Variants in COG5 observed in about 807,000 individuals in gnomAD.
COG5 encodes component of oligomeric golgi complex 5.
In COG5, 86 loss-of-function variants were observed where a neutral mutation model predicts 110.4. The observed-to-expected ratio is 0.78, with a 90% CI of 0.65 to 0.93. The LOEUF (loss-of-function observed/expected upper bound fraction) is 0.93, where lower values mean the gene tolerates loss of function less well. Ranked by LOEUF, COG5 falls within the 40% of genes least tolerant of loss-of-function variation. COG5 has a pLI of 0.00. For synonymous variants in COG5, 360 were observed against 334.6 expected (o/e 1.08, Z -0.83); for missense variants, 1,077 against 987.0 (o/e 1.09, Z -1.22).
chr7:107,366,685 T>C lies in COG5; in HGVS notation c.836-4265A>G, dbSNP rs921456080. On this transcript the variant is annotated intron_variant, in intron 8 of 21. Coordinates refer to ENST00000297135, the MANE Select transcript of COG5 (RefSeq NM_006348.5). ...CTAATACAACACTAAAACCCAGCAG[T>C]TGGTAAAGCAACGTCTGATGGTAGA... Among the ~76,000 whole-genome samples, 4 of 152,006 alleles carry C rather than the reference T, an allele frequency of 2.6e-5. 1 individual carries two copies. Among genetic ancestry groups the C allele is most frequent in the Admixed American group, 6.5e-5 (1 of 15,268 alleles).
At chr7:107,223,665 G>C (rs1020510464) in intron 19 of COG5, among the ~76,000 whole-genome samples, 3 of 152,174 alleles carry the variant, frequency 2.0e-5, no homozygotes, top group Non-Finnish European at 4.4e-5. Context: ...GATGATACAC[G>C]TAAGCATTCA....
At position 107,364,079 on chromosome 7, in the gene COG5, A is replaced by G. The variant is rs575949600; in HGVS notation, c.836-1659T>C. On this transcript the variant is annotated intron_variant, in intron 8 of 21. Coordinates refer to ENST00000297135, the MANE Select transcript of COG5 (RefSeq NM_006348.5). ...ACAAGGAGCACTCTGGCATATGCCA[A>G]TTTAATGAAGTGATCTAATTTAGCA... Among the ~76,000 whole-genome samples the G allele has an allele frequency of 2.0e-5, 3 of 152,346 alleles. No homozygotes were observed. The South Asian group carries it at 6.2e-4, about 32-fold the overall frequency.
At chr7:107,509,439 G>A (rs909253696) in intron 6 of COG5, among the ~76,000 whole-genome samples, 23 of 152,360 alleles carry the variant, frequency 1.5e-4, no homozygotes, top group Middle Eastern at 6.8e-3. Context: ...ACCTGAAAGT[G>A]ATGGGGAGAA....
intron 6 of COG5, among the ~76,000 whole-genome samples, chr7:107,417,127 C>T (rs1192547482): frequency 2.6e-5 from 4 of 152,108 alleles, no homozygotes; most frequent in East Asian, 3.8e-4. Context: ...GGGCAGCTGG[C>T]GACAGTCACC....
In COG5 at chr7:107,339,024, C is replaced by A. The variant is rs1037820326; in HGVS notation, c.1027-14503G>T. On this transcript the variant is annotated intron_variant, in intron 10 of 21. Coordinates refer to ENST00000297135, the MANE Select transcript of COG5 (RefSeq NM_006348.5). ...ATAATAAGCTCAAAACCTCAGCTATCAATATAAACCTTGAATGTAAATACC... is the reference window on the plus strand; with the variant it reads ...ATAATAAGCTCAAAACCTCAGCTATAAATATAAACCTTGAATGTAAATACC... 3.9e-5 allele frequency among the ~76,000 whole-genome samples: 6 copies of A among 152,058 alleles called. No individual in the cohort carries two copies. In the South Asian group the frequency reaches 1.2e-3, roughly 32 times the overall value.
At chr7:107,401,708 TAC>T (rs1299853231) in intron 7 of COG5, among the ~76,000 whole-genome samples, 1 of 152,312 alleles carries the variant, frequency 6.6e-6, no homozygotes, top group East Asian at 1.9e-4. Context: ...CAAAGGAGTT[TAC>T]ACAGGCCCAA....
At position 107,415,988 on chromosome 7, in the gene COG5, A is replaced by G. The variant is rs867559857; in HGVS notation, c.539-3356T>C. Among the ~76,000 whole-genome samples the G allele has an allele frequency of 3.9e-3, 513 of 132,914 alleles. 46 individuals carry two copies. Among genetic ancestry groups the G allele is most frequent in the African/African-American group, 0.013 (447 of 35,446 alleles). 87.2% of individuals were successfully genotyped at this position (132,914 alleles called of 152,430 possible). ...TACACACACATACACGTATGTATAT[A>G]TGTGTGTATATATACACACACATAC... On this transcript the variant is annotated intron_variant, in intron 6 of 21. Transcript: ENST00000297135.
At chr7:107,558,790 A>C (rs1346638517) in intron 1 of COG5, among the ~76,000 whole-genome samples, 1 of 150,100 alleles carries the variant, frequency 6.7e-6, no homozygotes, top group Non-Finnish European at 1.5e-5. Flanking sequence ...CGAGAGGCTG[A>C]GGCAGGAGAA....
chr7:107,314,229 C>T (rs935944326), intron 11 of COG5, among the ~76,000 whole-genome samples: 1 of 151,938 alleles, frequency 6.6e-6, no homozygotes, highest in East Asian at 1.9e-4. Flanking sequence ...GGAAAAAATT[C>T]CATTAGAAAT....
At chr7:107,558,914 C>CAAAAAAAAAAAAAAAAAAAAAACAAA (rs34483652) in intron 1 of COG5, among the ~76,000 whole-genome samples, 1 of 31,170 alleles carries the variant, frequency 3.2e-5, no homozygotes, top group Non-Finnish European at 7.8e-5. Flanking sequence ...GACTTCATCT[C>CAAAAAAAAAAAAAAAAAAAAAACAAA]AAAAAAAAAA....
intron 12 of COG5, among the ~76,000 whole-genome samples, chr7:107,296,111 A>C (rs1451036466): frequency 6.7e-6 from 1 of 148,640 alleles, no homozygotes; most frequent in African/African-American, 2.5e-5. Context: ...CCTTCCTCAC[A>C]CAGTGACCTA....
At chr7:107,211,693 T>C (rs1476976240) in intron 19 of COG5, among the ~76,000 whole-genome samples, 2 of 152,218 alleles carry the variant, frequency 1.3e-5, no homozygotes, top group African/African-American at 4.8e-5. Flanking sequence ...AAGGCAAATA[T>C]GTCTTTGTAT....
chr7:107,283,205 TA>T (rs1049494165), intron 13 of COG5, among the ~76,000 whole-genome samples: 1 of 151,930 alleles, frequency 6.6e-6, no homozygotes, highest in South Asian at 2.1e-4. Context: ...GAGTTTAGGA[TA>T]AAAAAAAGTT....
At chr7:107,476,185 A>T (rs772722398) in intron 6 of COG5, among the ~76,000 whole-genome samples, 45 of 85,144 alleles carry the variant, frequency 5.3e-4, no homozygotes, top group East Asian at 2.4e-3. Flanking sequence ...CAATGATTTT[A>T]AAAAAAAAAA....
chr7:107,334,254 T>C (rs1326690916), intron 10 of COG5, among the ~76,000 whole-genome samples: 2 of 151,392 alleles, frequency 1.3e-5, no homozygotes, highest in Non-Finnish European at 3.0e-5. Flanking sequence ...CAAGGTAACA[T>C]GAATGAGGCT....
At chr7:107,300,761 T>A (rs1807190034) in intron 11 of COG5, among the ~76,000 whole-genome samples, 1 of 152,140 alleles carries the variant, frequency 6.6e-6, no homozygotes, top group Admixed American at 6.6e-5. Context: ...TTAAATGTAA[T>A]CTAATTTAAA....
intron 16 of COG5, among the ~76,000 whole-genome samples, chr7:107,249,083 C>T (rs1802280639): frequency 6.6e-6 from 1 of 152,080 alleles, no homozygotes; most frequent in African/African-American, 2.4e-5. Context: ...TGCTCTTTCC[C>T]CTGCTCCCAC....
At chr7:107,442,964 T>C (rs1259627061) in intron 6 of COG5, among the ~76,000 whole-genome samples, 2 of 152,138 alleles carry the variant, frequency 1.3e-5, no homozygotes, top group Admixed American at 6.5e-5. Context: ...GTTTAAAAGA[T>C]GCAACATCAA....
intron 11 of COG5, among the ~76,000 whole-genome samples, chr7:107,316,304 T>C (rs1808734476): frequency 6.6e-6 from 1 of 151,930 alleles, no homozygotes. Flanking sequence ...ATGATGATGC[T>C]AGGAGAGAGA....
Sources: gnomAD v4.1 joint callset for allele counts (sites outside exome capture counted in the v4.1 genomes callset) on GRCh38, gnomAD v4.1.1 for gene constraint, MANE v1.5 for transcripts, NCBI Gene and HGNC (gene_info 2026-07-23, HGNC 2026-07-21) for gene names.